ACSM1: variants seen among roughly 807,000 people sequenced by gnomAD.
The protein encoded by ACSM1 is acyl-coenzyme A synthetase ACSM1, mitochondrial.
ACSM1 carries 79 observed loss-of-function variants against 75.8 expected under a neutral mutation model. The observed-to-expected ratio is 1.04, with a 90% confidence interval of 0.87 to 1.26. The LOEUF (loss-of-function observed/expected upper bound fraction) is 1.26, where lower values mean the gene tolerates loss of function less well. Ranked by LOEUF, ACSM1 falls within the 50% of genes most tolerant of loss-of-function variation. ACSM1 has a pLI of 0.00. For missense variants in ACSM1, 676 were observed against 720.1 expected (o/e 0.94, Z 0.70); for synonymous variants, 279 against 265.8 (o/e 1.05, Z -0.48).
rs1254654295 is a variant in ACSM1, at chr16:20,627,920, A to G, written c.1300-604T>C. ...TATATATATATATATATATATATATATATTCATTTTGTGTGACACTACACT... is the reference window on the plus strand; with the variant it reads ...TATATATATATATATATATATATATGTATTCATTTTGTGTGACACTACACT... On this transcript the variant is annotated intron_variant, in intron 10 of 13. Coordinates refer to ENST00000520010, the MANE Select transcript of ACSM1 (RefSeq NM_001318890.3). Among the ~76,000 whole-genome samples the G allele has an allele frequency of 1.2e-4, 12 of 96,390 alleles. No individual in the cohort carries two copies. In the East Asian group the frequency reaches 3.9e-3, roughly 31 times the overall value. The allele number at this position is 96,390 out of a possible 152,430, so 63.2% of individuals were successfully genotyped here.
At chr16:20,626,048 T>C (rs1281995178) in intron 11 of ACSM1, among the ~76,000 whole-genome samples, 1 of 152,206 alleles carries the variant, frequency 6.6e-6, no homozygotes, top group African/African-American at 2.4e-5. Context: ...AAATCTACTC[T>C]TTGTGCAAAT....
chr16:20,693,634 G>C (rs2079674704), intron 1 of ACSM1, among the ~76,000 whole-genome samples: 1 of 152,180 alleles, frequency 6.6e-6, no homozygotes, highest in South Asian at 2.1e-4. Context: ...TTGTCAAGTG[G>C]CTGGAGCTGA....
chr16:20,690,759 C>T (rs1437996108), intron 2 of ACSM1, among the ~76,000 whole-genome samples: 1 of 152,148 alleles, frequency 6.6e-6, no homozygotes, highest in Admixed American at 6.5e-5. Context: ...ATATATTTAC[C>T]TATTTTCTTG....
chr16:20,691,751 ATGTGTGTG>A (rs59929923), intron 1 of ACSM1, among the ~76,000 whole-genome samples: 8,830 of 134,024 alleles, frequency 0.066, 305 homozygotes, highest in Middle Eastern at 0.14. Context: ...TACCTCTCCA[ATGTGTGTG>A]TGTGTGTGTG....
At chr16:20,690,918 C>T in intron 2 of ACSM1, 79 bp downstream of exon 2, 2 of 1,423,536 alleles carry the variant, frequency 1.4e-6, no homozygotes, top group Non-Finnish European at 1.9e-6. Flanking sequence ...TGGTTCCATA[C>T]CTTTCAGCCT....
intron 10 of ACSM1, among the ~76,000 whole-genome samples, chr16:20,628,576 CCA>C (rs999591648): frequency 2.0e-5 from 3 of 151,926 alleles, no homozygotes; most frequent in Non-Finnish European, 4.4e-5. Flanking sequence ...GCATAATCCC[CCA>C]GAGATTCATC....
At chr16:20,663,599 T>A (rs1416982493) in intron 6 of ACSM1, among the ~76,000 whole-genome samples, 1 of 152,164 alleles carries the variant, frequency 6.6e-6, no homozygotes, top group African/African-American at 2.4e-5. Flanking sequence ...GAAGGGGGAA[T>A]GTCGCCCTGA....
chr16:20,688,099 GA>G (rs2079586479), intron 2 of ACSM1, among the ~76,000 whole-genome samples: 1 of 148,548 alleles, frequency 6.7e-6, no homozygotes, highest in Non-Finnish European at 1.5e-5. Context: ...AAAAAAAAAA[GA>G]AAGAACCAAA....
At chr16:20,669,314 T>C (rs2152269215) in intron 6 of ACSM1, among the ~76,000 whole-genome samples, 1 of 152,264 alleles carries the variant, frequency 6.6e-6, no homozygotes, top group Non-Finnish European at 1.5e-5. Context: ...AGACCTATTT[T>C]GCAGATAAGG....
intron 7 of ACSM1, among the ~76,000 whole-genome samples, chr16:20,661,247 GCAA>G (rs2019283409): frequency 6.6e-6 from 1 of 152,108 alleles, no homozygotes. Flanking sequence ...ACAGCAATAT[GCAA>G]CAACAGGGAC....
chr16:20,624,421 T>C lies in ACSM1; in HGVS notation c.1528-206A>G, dbSNP rs2016791870. ...TTTGACCTCTCCTTAACCTCAGTTTTCTTTTCTGTGAAATGGGGACAATAA... is the reference window on the plus strand; with the variant it reads ...TTTGACCTCTCCTTAACCTCAGTTTCCTTTTCTGTGAAATGGGGACAATAA... On this transcript the variant is annotated intron_variant, in intron 12 of 13. Transcript: ENST00000520010. 2.0e-5 allele frequency among the ~76,000 whole-genome samples: 3 copies of C among 152,236 alleles called. No individual in the cohort carries two copies. The South Asian group carries it at 6.2e-4, about 32-fold the overall frequency.
intron 7 of ACSM1, among the ~76,000 whole-genome samples, chr16:20,655,417 AAT>A (rs2018904092): frequency 6.6e-6 from 1 of 151,932 alleles, no homozygotes; most frequent in Admixed American, 6.6e-5. Flanking sequence ...AATAAAATAA[AAT>A]AAAAAAAGAA....
At chr16:20,657,304 GT>G (rs1358944274) in intron 7 of ACSM1, among the ~76,000 whole-genome samples, 1 of 151,628 alleles carries the variant, frequency 6.6e-6, no homozygotes, top group African/African-American at 2.4e-5. Flanking sequence ...TTTTGGTTTT[GT>G]TTTTTGTTTT....
chr16:20,683,554 A>G (rs2079488235), intron 3 of ACSM1, among the ~76,000 whole-genome samples: 1 of 151,712 alleles, frequency 6.6e-6, no homozygotes, highest in Non-Finnish European at 1.5e-5. Context: ...TTTCTATTTC[A>G]AAATGGCCAT....
intron 7 of ACSM1, among the ~76,000 whole-genome samples, chr16:20,660,865 T>C (rs1366636460): frequency 6.6e-6 from 1 of 152,100 alleles, no homozygotes; most frequent in East Asian, 1.9e-4. Context: ...GATGCAAAAA[T>C]AAAGTTGTAT....
chr16:20,653,985 C>T (rs188619795), intron 7 of ACSM1, among the ~76,000 whole-genome samples: 131 of 152,284 alleles, frequency 8.6e-4, no homozygotes, highest in African/African-American at 1.9e-3. Context: ...GGAGGCATCG[C>T]GCTACCTGAC....
chr16:20,681,715 G>A (rs1488310184), intron 4 of ACSM1: 1 of 153,514 alleles, frequency 6.5e-6, no homozygotes, highest in Non-Finnish European at 1.4e-5. Flanking sequence ...AGCAACAAAG[G>A]GGGGAAATGG....
At chr16:20,624,461 A>G (rs2016793378) in intron 12 of ACSM1, among the ~76,000 whole-genome samples, 1 of 152,098 alleles carries the variant, frequency 6.6e-6, no homozygotes, top group Non-Finnish European at 1.5e-5. Flanking sequence ...TCCATTCTTC[A>G]TTTGGTTTCT....
intron 1 of ACSM1, among the ~76,000 whole-genome samples, chr16:20,695,446 A>G (rs1445281014): frequency 2.0e-5 from 3 of 152,180 alleles, no homozygotes; most frequent in Non-Finnish European, 2.9e-5. Flanking sequence ...AGAGGAAAAA[A>G]ATTTCCTTAA....
Sources: gnomAD v4.1 joint callset for allele counts (sites outside exome capture counted in the v4.1 genomes callset) on GRCh38, gnomAD v4.1.1 for gene constraint, MANE v1.5 for transcripts, NCBI Gene and HGNC (gene_info 2026-07-23, HGNC 2026-07-21) for gene names.